Variants in DPF3 observed in about 807,000 individuals in gnomAD.
DPF3 encodes zinc finger protein DPF3.
In DPF3, 18 loss-of-function variants were observed where a neutral mutation model predicts 56.8. The ratio of observed to expected loss-of-function variants is 0.32; its 90% CI spans 0.22 to 0.47. DPF3 has a LOEUF of 0.47. Ranked by LOEUF, DPF3 falls within the 20% of genes least tolerant of loss-of-function variation. DPF3 has a pLI of 1.00. For synonymous variants in DPF3, 188 were observed against 180.2 expected, an observed-to-expected ratio of 1.04 and a Z score of -0.35; for missense variants, 403 against 488.8, an observed-to-expected ratio of 0.82 and a Z score of 1.65.
At chr14:72,621,578 C>G (rs12434442) in intron 9 of DPF3, among the ~76,000 whole-genome samples, 1 of 152,030 alleles carries the variant, frequency 6.6e-6, no homozygotes, top group African/African-American at 2.4e-5. Flanking sequence ...GAGTTATCAA[C>G]AGGGGAGTGA....
intron 8 of DPF3, among the ~76,000 whole-genome samples, chr14:72,643,254 G>A (rs1885613198): frequency 6.6e-6 from 1 of 152,210 alleles, no homozygotes; most frequent in South Asian, 2.1e-4. Flanking sequence ...AGGGCATGAT[G>A]AAATATGTCA....
chr14:72,893,325 TC>T (rs987881117), intron 1 of DPF3, among the ~76,000 whole-genome samples: 8 of 150,842 alleles, frequency 5.3e-5, no homozygotes, highest in Non-Finnish European at 1.0e-4. Context: ...TTAACCCGAG[TC>T]GTTAATCCAC....
chr14:72,857,282 A>C (rs1885204706), intron 1 of DPF3, among the ~76,000 whole-genome samples: 1 of 152,214 alleles, frequency 6.6e-6, no homozygotes, highest in Admixed American at 6.5e-5. Flanking sequence ...CTGAGGAAAA[A>C]TGATTTTATG....
intron 2 of DPF3, among the ~76,000 whole-genome samples, chr14:72,755,932 C>G (rs1599412888): frequency 6.6e-6 from 1 of 152,288 alleles, no homozygotes. Context: ...AGCAGGGCCC[C>G]ATGAGACTTA....
chr14:72,691,750 A>C (rs1184227599), intron 7 of DPF3, among the ~76,000 whole-genome samples: 3 of 151,864 alleles, frequency 2.0e-5, no homozygotes, highest in Non-Finnish European at 4.4e-5. Flanking sequence ...GAAGAAGAGG[A>C]AATGTGGACA....
intron 9 of DPF3, among the ~76,000 whole-genome samples, chr14:72,621,218 T>G (rs2153565986): frequency 6.6e-6 from 1 of 152,302 alleles, no homozygotes; most frequent in Admixed American, 6.5e-5. Flanking sequence ...TTTTCCACCC[T>G]TTATCCCCTT....
At chr14:72,742,556 C>G (rs1473994336) in intron 3 of DPF3, 1 of 152,446 alleles carries the variant, frequency 6.6e-6, no homozygotes, top group East Asian at 1.9e-4. Flanking sequence ...GCAGAAGGAG[C>G]CGCTGACAGG....
chr14:72,787,877 C>T (rs1459694812), intron 1 of DPF3, among the ~76,000 whole-genome samples: 2 of 152,170 alleles, frequency 1.3e-5, no homozygotes, highest in African/African-American at 4.8e-5. Context: ...TCTGGTGGCC[C>T]GGCTTCTCCA....
At chr14:72,878,935 C>T (rs1886218945) in intron 1 of DPF3, among the ~76,000 whole-genome samples, 1 of 152,254 alleles carries the variant, frequency 6.6e-6, no homozygotes, top group Non-Finnish European at 1.5e-5. Flanking sequence ...TTTCAGATTC[C>T]TGCCGTGAAG....
intron 6 of DPF3, among the ~76,000 whole-genome samples, chr14:72,698,664 G>A (rs374616663): frequency 1.3e-5 from 2 of 152,322 alleles, no homozygotes; most frequent in East Asian, 3.9e-4. Context: ...TCTAGCCTGG[G>A]TGACAGAGCA....
chr14:72,866,037 A>G (rs117769344), intron 1 of DPF3, among the ~76,000 whole-genome samples: 6,838 of 152,122 alleles, frequency 0.045, 237 homozygotes, highest in Non-Finnish European at 0.074. Context: ...ACAGAGCAAG[A>G]CTCAGTCTCA....
intron 1 of DPF3, among the ~76,000 whole-genome samples, chr14:72,847,951 G>C (rs983580890): frequency 1.3e-5 from 2 of 152,194 alleles, no homozygotes; most frequent in Admixed American, 1.3e-4. Context: ...TGGGATATGA[G>C]TGGAAGCTCC....
chr14:72,678,357 A>C (rs1887006117), intron 7 of DPF3, among the ~76,000 whole-genome samples: 1 of 152,222 alleles, frequency 6.6e-6, no homozygotes. Flanking sequence ...AAGCTATAAA[A>C]ATTATTGAGA....
chr14:72,850,313 C>G (rs1479274902), intron 1 of DPF3, among the ~76,000 whole-genome samples: 1 of 152,100 alleles, frequency 6.6e-6, no homozygotes, highest in African/African-American at 2.4e-5. Context: ...CCCCCAACCC[C>G]CACCTCCCAC....
chr14:72,773,377 A>G (rs1312382858), intron 1 of DPF3, among the ~76,000 whole-genome samples: 1 of 151,788 alleles, frequency 6.6e-6, no homozygotes, highest in Non-Finnish European at 1.5e-5. Flanking sequence ...CAGGCGATCC[A>G]CCCGCCTCAG....
intron 1 of DPF3, among the ~76,000 whole-genome samples, chr14:72,840,697 A>G (rs1010946627): frequency 3.3e-5 from 5 of 152,252 alleles, no homozygotes; most frequent in Non-Finnish European, 5.9e-5. Flanking sequence ...TAAAGGTGTC[A>G]AAGCTATTCA....
chr14:72,726,134 C>T (rs1889398924), intron 4 of DPF3, among the ~76,000 whole-genome samples: 1 of 152,230 alleles, frequency 6.6e-6, no homozygotes, highest in South Asian at 2.1e-4. Context: ...AAATGCTCTG[C>T]AGCCTTTGGG....
chr14:72,610,940 C>T lies in DPF3; in HGVS notation c.*8357G>A, dbSNP rs770749864. Reference sequence around the variant, plus strand: ...GGCTCAAAAGAACGTTGCCCACAGGCTTTCAAGTAGGTGAGTGGACCAAAC... The same window carrying T: ...GGCTCAAAAGAACGTTGCCCACAGGTTTTCAAGTAGGTGAGTGGACCAAAC... On this transcript the variant is annotated 3_prime_UTR_variant, in exon 11 of 11. Coordinates refer to ENST00000556509, the MANE Select transcript of DPF3 (RefSeq NM_001280542.3). 1.4e-4 allele frequency among the ~76,000 whole-genome samples: 21 copies of T among 152,236 alleles called. No homozygotes were observed. The highest frequency in any genetic ancestry group is 2.4e-4 in the Non-Finnish European group (16 of 68,036).
intron 8 of DPF3, among the ~76,000 whole-genome samples, chr14:72,669,378 A>G (rs1265508234): frequency 6.6e-6 from 1 of 152,208 alleles, no homozygotes; most frequent in Non-Finnish European, 1.5e-5. Context: ...GCACTCCTGG[A>G]GGCAAGAGAC....
Sources: gnomAD v4.1 joint callset for allele counts (sites outside exome capture counted in the v4.1 genomes callset) on GRCh38, gnomAD v4.1.1 for gene constraint, MANE v1.5 for transcripts, NCBI Gene and HGNC (gene_info 2026-07-23, HGNC 2026-07-21) for gene names.